CYP19A1: variants seen among roughly 807,000 people sequenced by gnomAD.
CYP19A1 encodes aromatase.
In CYP19A1, 32 loss-of-function variants were observed where a neutral mutation model predicts 44.4. The observed-to-expected ratio is 0.72, with a 90% CI of 0.54 to 0.97. The LOEUF is 0.97. Among genes scored for constraint, CYP19A1 ranks in the 50% least tolerant of loss-of-function variants. The pLI, the probability that CYP19A1 is intolerant of heterozygous loss-of-function variation, is 0.00. For synonymous variants in CYP19A1, 212 were observed against 215.6 expected (o/e 0.98, Z 0.14); for missense variants, 598 against 637.8 (o/e 0.94, Z 0.67).
chr15:51,267,271 A>AG (rs1329108057), intron 1 of CYP19A1, among the ~76,000 whole-genome samples: 2 of 152,110 alleles, frequency 1.3e-5, no homozygotes, highest in Non-Finnish European at 2.9e-5. Context: ...AGCGGTCTCC[A>AG]GCCGGCTGCC....
At position 51,290,064 on chromosome 15, in the gene CYP19A1, A is replaced by G. The variant is rs115643240; in HGVS notation, c.-38-47114T>C. On this transcript the variant is annotated intron_variant, in intron 1 of 9. Transcript: ENST00000396402. ...TTTGAGTGTGGTCTCCCCTGGGGTCACAGCCCCAGTGAGCCCTCACTTCCC... is the reference window on the plus strand; with the variant it reads ...TTTGAGTGTGGTCTCCCCTGGGGTCGCAGCCCCAGTGAGCCCTCACTTCCC... Among the ~76,000 whole-genome samples, 838 of 152,352 alleles carry G rather than the reference A, an allele frequency of 5.5e-3. 11 individuals are homozygous for G. The highest frequency in any genetic ancestry group is 0.019 in the African/African-American group (807 of 41,578).
rs2032165577 is a variant in CYP19A1 at position 51,222,334 on chromosome 15, T to C, written c.628+15A>G. The C allele has an allele frequency of 6.8e-6, 11 of 1,613,946 alleles. No homozygotes were observed. The highest frequency in any genetic ancestry group is 9.3e-6 in the Non-Finnish European group (11 of 1,179,970). On this transcript the variant is annotated intron_variant, in intron 5 of 9. Coordinates refer to ENST00000396402, the MANE Select transcript of CYP19A1 (RefSeq NM_000103.4). Reference sequence around the variant, plus strand: ...AGGACAGATGGTCAAGATGTGAGAGTGAAAATTTCAGTACCGTCCAAAGGG... The same window carrying C: ...AGGACAGATGGTCAAGATGTGAGAGCGAAAATTTCAGTACCGTCCAAAGGG...
intron 3 of CYP19A1, among the ~76,000 whole-genome samples, chr15:51,234,754 C>T (rs1444300587): frequency 2.6e-5 from 4 of 152,108 alleles, no homozygotes; most frequent in Non-Finnish European, 1.5e-5. Flanking sequence ...CTCAAACTCC[C>T]AGGGGAGTAT....
At chr15:51,223,258 GGAATGAAT>G (rs3842333) in intron 4 of CYP19A1, among the ~76,000 whole-genome samples, 3 of 150,986 alleles carry the variant, frequency 2.0e-5, no homozygotes, top group African/African-American at 4.9e-5. Flanking sequence ...TTTCAATAGA[GGAATGAAT>G]GAATGAATGA....
Position 51,297,868 on chromosome 15 carries a change from A to ACACACC in CYP19A1, c.-39+40626_-39+40627insGGTGTG, listed in dbSNP as rs1173662173. The stretch of plus-strand genomic sequence containing the variant: ...CACACACACACACACACACACACAC[A>ACACACC]CCCTAGGCCTGATGGGGGCCTAACA... On this transcript the variant is annotated intron_variant, in intron 1 of 9. Transcript: ENST00000396402. Among the ~76,000 whole-genome samples, 82 of 146,792 alleles carry ACACACC rather than the reference A, an allele frequency of 5.6e-4. 1 individual carries two copies. Among genetic ancestry groups the ACACACC allele is most frequent in the East Asian group, 4.8e-3 (24 of 4,962 alleles).
At chr15:51,309,930 TG>T in intron 1 of CYP19A1, among the ~76,000 whole-genome samples, 1 of 152,208 alleles carries the variant, frequency 6.6e-6, no homozygotes, top group East Asian at 1.9e-4. Context: ...TAGCATATGG[TG>T]GGCACCCACT....
At chr15:51,295,136 GTT>G (rs71426072) in intron 1 of CYP19A1, among the ~76,000 whole-genome samples, 14,419 of 131,256 alleles carry the variant, frequency 0.11, 1,100 homozygotes, top group South Asian at 0.23. Flanking sequence ...TTAACAACGT[GTT>G]TTTTTTTTTT....
intron 1 of CYP19A1, among the ~76,000 whole-genome samples, chr15:51,307,648 G>A (rs950321297): frequency 6.6e-5 from 10 of 152,260 alleles, no homozygotes; most frequent in Admixed American, 1.3e-4. Context: ...ATGGGCTCCC[G>A]TATATCATCA....
At chr15:51,244,371 T>C (rs1344456256) in intron 1 of CYP19A1, among the ~76,000 whole-genome samples, 2 of 152,250 alleles carry the variant, frequency 1.3e-5, no homozygotes, top group Non-Finnish European at 2.9e-5. Context: ...TAATCATTAA[T>C]GCTTGGGTGC....
chr15:51,274,354 G>C (rs1369490587), intron 1 of CYP19A1, among the ~76,000 whole-genome samples: 1 of 152,210 alleles, frequency 6.6e-6, no homozygotes, highest in African/African-American at 2.4e-5. Context: ...TCTGACTCAT[G>C]ACTAGAGGAA....
At chr15:51,289,134 G>A (rs2035783842) in intron 1 of CYP19A1, among the ~76,000 whole-genome samples, 1 of 152,076 alleles carries the variant, frequency 6.6e-6, no homozygotes, top group African/African-American at 2.4e-5. Context: ...GCAGACATGT[G>A]GAATTGTTTG....
chr15:51,214,987 G>C (rs2031421295), intron 8 of CYP19A1, 83 bp downstream of exon 8: 1 of 1,532,610 alleles, frequency 6.5e-7, no homozygotes, highest in African/African-American at 1.4e-5. Flanking sequence ...TTTCATGTTT[G>C]ATATCAGATT....
At chr15:51,253,943 A>T (rs1307837593) in intron 1 of CYP19A1, among the ~76,000 whole-genome samples, 2 of 152,166 alleles carry the variant, frequency 1.3e-5, no homozygotes, top group African/African-American at 4.8e-5. Flanking sequence ...AGGTATTTGC[A>T]ATGCTGGAGG....
At chr15:51,303,287 G>A (rs532378229) in intron 1 of CYP19A1, among the ~76,000 whole-genome samples, 1 of 152,136 alleles carries the variant, frequency 6.6e-6, no homozygotes, top group Non-Finnish European at 1.5e-5. Context: ...GGCCAGGGAG[G>A]CCTTTTGAGG....
intron 1 of CYP19A1, among the ~76,000 whole-genome samples, chr15:51,313,343 G>A (rs1291286145): frequency 6.6e-6 from 1 of 152,232 alleles, no homozygotes; most frequent in Admixed American, 6.5e-5. Flanking sequence ...GGAGGCTGGG[G>A]TGGTGGGGAG....
intron 1 of CYP19A1, among the ~76,000 whole-genome samples, chr15:51,290,893 A>T (rs2035828366): frequency 1.3e-5 from 2 of 152,130 alleles, no homozygotes; most frequent in Non-Finnish European, 1.5e-5. Context: ...CTTGCCTAGG[A>T]TCTTTGCCCT....
intron 1 of CYP19A1, among the ~76,000 whole-genome samples, chr15:51,305,565 C>T (rs1228590481): frequency 3.9e-5 from 6 of 151,934 alleles, no homozygotes; most frequent in East Asian, 2.0e-4. Flanking sequence ...TGTGTGTTTT[C>T]GTTTGTTTGT....
At chr15:51,272,679 C>T (rs1595744281) in intron 1 of CYP19A1, among the ~76,000 whole-genome samples, 2 of 152,170 alleles carry the variant, frequency 1.3e-5, no homozygotes, top group Admixed American at 6.5e-5. Flanking sequence ...TCCTCTACAG[C>T]AGGGTAGTTT....
chr15:51,312,046 T>C (rs1008207493), intron 1 of CYP19A1, among the ~76,000 whole-genome samples: 30 of 152,216 alleles, frequency 2.0e-4, no homozygotes, highest in Non-Finnish European at 8.8e-5. Flanking sequence ...ATCCTTATAA[T>C]GGTGCAAGTG....
Sources: allele counts gnomAD v4.1 joint callset (sites outside exome capture counted in the v4.1 genomes callset), GRCh38; gene constraint gnomAD v4.1.1; transcripts MANE v1.5; gene names NCBI Gene and HGNC (gene_info 2026-07-23, HGNC 2026-07-21).